The following SIPA1L3 variants were observed in gnomAD, a reference collection of about 807,000 sequenced individuals.
SIPA1L3 encodes signal induced proliferation associated 1 like 3.
SIPA1L3 carries 59 observed loss-of-function variants against 150.1 expected under a neutral mutation model. That is an observed-to-expected ratio of 0.39 (90% CI 0.32 to 0.49). SIPA1L3 has a LOEUF of 0.49. Ranked by LOEUF, SIPA1L3 falls within the 20% of genes least tolerant of loss-of-function variation. The pLI, the probability that SIPA1L3 is intolerant of heterozygous loss-of-function variation, is 0.86. For missense variants in SIPA1L3, 2,211 were observed against 2,489.5 expected, an observed-to-expected ratio of 0.89 and a Z score of 2.38; for synonymous variants, 1,070 against 1,077.6, an observed-to-expected ratio of 0.99 and a Z score of 0.14.
At chr19:38,158,576 G>A (rs1428229937) in intron 13 of SIPA1L3, among the ~76,000 whole-genome samples, 3 of 152,236 alleles carry the variant, frequency 2.0e-5, no homozygotes, top group Non-Finnish European at 4.4e-5. Flanking sequence ...GTTCCCAGGA[G>A]CCCCTGGCTA....
intron 1 of SIPA1L3, among the ~76,000 whole-genome samples, chr19:38,010,757 G>A (rs833922): frequency 0.43 from 65,674 of 151,952 alleles, 14,456 homozygotes; most frequent in African/African-American, 0.5. Context: ...CTGGAGTCAG[G>A]CTGCCTGGAT....
intron 3 of SIPA1L3, among the ~76,000 whole-genome samples, chr19:38,085,767 G>A (rs1446783872): frequency 6.6e-6 from 1 of 152,216 alleles, no homozygotes; most frequent in East Asian, 1.9e-4. Flanking sequence ...GCCCGAGGCG[G>A]GCAGATCACG....
chr19:37,927,569 C>A (rs909914270), intron 1 of SIPA1L3, among the ~76,000 whole-genome samples: 1 of 137,390 alleles, frequency 7.3e-6, no homozygotes, highest in South Asian at 2.4e-4. Flanking sequence ...TGTACGTACC[C>A]AATGTTTAGC....
chr19:38,112,082 C>A (rs529952651), intron 8 of SIPA1L3, among the ~76,000 whole-genome samples: 1 of 146,522 alleles, frequency 6.8e-6, no homozygotes, highest in African/African-American at 2.6e-5. Context: ...ACCATGCGTC[C>A]GCACATGCAC....
intron 15 of SIPA1L3, among the ~76,000 whole-genome samples, chr19:38,181,845 CAAAA>C (rs572648983): frequency 4.8e-5 from 3 of 62,934 alleles, no homozygotes; most frequent in African/African-American, 2.2e-4. Context: ...GACTCTGTCT[CAAAA>C]AAAAAAAAAA....
intron 19 of SIPA1L3, among the ~76,000 whole-genome samples, chr19:38,201,294 A>G (rs1420442426): frequency 6.6e-6 from 1 of 152,254 alleles, no homozygotes; most frequent in Non-Finnish European, 1.5e-5. Context: ...CCCCAGTGCC[A>G]GTCACGTGTC....
Position 38,100,061 on chromosome 19 carries a change from G to A in SIPA1L3, c.1765G>A (p.Val589Ile). Residue 589 changes from valine to isoleucine, a missense_variant, in exon 5 of 22, where the codon GTC (valine) becomes ATC (isoleucine). Physicochemically the swap from Val to Ile is conservative, Grantham distance 29. Around this residue, in one of 5 missense-constraint regions of SIPA1L3, gnomAD observed 625 missense variants for 804.2 expected, o/e 0.78. Coordinates refer to ENST00000222345, the MANE Select transcript of SIPA1L3 (RefSeq NM_015073.3). ...GLPLKDALEY[V>I]IPELNIHCLR... ...GCCCTTGAAGGATGCCCTGGAGTAT[G>A]TCATCCCCGAGCTCAACATCCACTG... 6.2e-7 allele frequency: 1 copy of A among 1,612,704 alleles called. No homozygotes were observed. The highest frequency in any genetic ancestry group is 1.3e-5 in the African/African-American group (1 of 74,952).
chr19:38,085,886 C>T (rs1190092009), intron 3 of SIPA1L3, among the ~76,000 whole-genome samples: 2 of 152,110 alleles, frequency 1.3e-5, no homozygotes, highest in Non-Finnish European at 2.9e-5. Flanking sequence ...ATCCCAGCTA[C>T]TTGGGAGGCT....
chr19:38,062,906 T>C (rs991287205), intron 2 of SIPA1L3, among the ~76,000 whole-genome samples: 8 of 152,136 alleles, frequency 5.3e-5, no homozygotes, highest in Non-Finnish European at 1.2e-4. Context: ...CGGCCTGCTC[T>C]CATTTTTGAC....
In SIPA1L3 at chr19:38,164,097, C is replaced by T. The variant is rs760233829; in HGVS notation, c.3781-382C>T. Among the ~76,000 whole-genome samples the T allele has an allele frequency of 3.3e-5, 5 of 152,118 alleles. No homozygotes were observed. The highest frequency in any genetic ancestry group is 5.9e-5 in the Non-Finnish European group (4 of 68,016). On this transcript the variant is annotated intron_variant, in intron 14 of 21. Coordinates refer to ENST00000222345, the MANE Select transcript of SIPA1L3 (RefSeq NM_015073.3). This position sits in a 1 kb window ranked among gnomAD's most constrained non-coding sequence, Gnocchi z 4.1. ...GGCTGGACATGAGTGAGAGCAAAAG[C>T]GGGGTCAAGGTGAGTCCACGGCTCT... is the stretch of plus-strand genomic sequence containing the variant.
At chr19:38,120,613 A>C (rs1473511495) in intron 9 of SIPA1L3, among the ~76,000 whole-genome samples, 1 of 152,274 alleles carries the variant, frequency 6.6e-6, no homozygotes, top group Non-Finnish European at 1.5e-5. Flanking sequence ...ATAAAATTAC[A>C]TGGCAGGAAT....
At chr19:38,192,371 G>T (rs370375954) in intron 17 of SIPA1L3, 61 bp downstream of exon 17, 6 of 1,479,682 alleles carry the variant, frequency 4.1e-6, no homozygotes, top group African/African-American at 1.4e-5. Flanking sequence ...CCAGATCTGG[G>T]CAGGCAAGGA....
At chr19:38,086,016 A>G (rs933011798) in intron 3 of SIPA1L3, among the ~76,000 whole-genome samples, 2 of 151,926 alleles carry the variant, frequency 1.3e-5, no homozygotes, top group Admixed American at 6.6e-5. Context: ...ACAAAACAAA[A>G]AAAAAACGCT....
At chr19:38,170,059 A>C (rs1972293393) in intron 15 of SIPA1L3, among the ~76,000 whole-genome samples, 1 of 150,526 alleles carries the variant, frequency 6.6e-6, no homozygotes, top group African/African-American at 2.5e-5. Flanking sequence ...GCCATGATGG[A>C]GGGGTACAGG....
chr19:38,043,777 G>T (rs1431494004), intron 2 of SIPA1L3, among the ~76,000 whole-genome samples: 1 of 152,208 alleles, frequency 6.6e-6, no homozygotes, highest in Non-Finnish European at 1.5e-5. Flanking sequence ...TGCTTCAGTG[G>T]CTACGATAAA....
At chr19:38,085,012 C>T (rs1475143779) in intron 3 of SIPA1L3, among the ~76,000 whole-genome samples, 2 of 152,026 alleles carry the variant, frequency 1.3e-5, no homozygotes. Flanking sequence ...TTAAGTCATC[C>T]CACAGGACAC....
At chr19:38,044,646 C>T (rs1327185946) in intron 2 of SIPA1L3, among the ~76,000 whole-genome samples, 1 of 152,170 alleles carries the variant, frequency 6.6e-6, no homozygotes, top group Non-Finnish European at 1.5e-5. Context: ...TCAGGCCACA[C>T]CTGGCACACA....
rs763506883 is a variant in SIPA1L3 at position 38,082,339 on chromosome 19, G to T, written c.774G>T (p.Lys258Asn). ...TCATGGGGGGCGGCGGCGGAGCCAA[G>T]GGGGACTCCCACAACGGGCAGCCCG... ...PHLMGGGGGA[K>N]GDSHNGQPAK... The change falls in exon 3 of 22, where the codon AAG (lysine) becomes AAT (asparagine). Residue 258 changes from lysine to asparagine, a missense_variant. By Grantham distance (94) the Lys-to-Asn change is moderately conservative. This residue lies in a region of SIPA1L3 where 587 missense variants were observed against 534.5 expected (regional missense o/e 1.10). Coordinates refer to ENST00000222345, the MANE Select transcript of SIPA1L3 (RefSeq NM_015073.3). The T allele has an allele frequency of 2.5e-6, 4 of 1,598,660 alleles. No individual in the cohort carries two copies.
At chr19:38,096,529 G>A (rs1378493221) in intron 4 of SIPA1L3, among the ~76,000 whole-genome samples, 2 of 152,124 alleles carry the variant, frequency 1.3e-5, no homozygotes, top group South Asian at 2.1e-4. Context: ...GATTAGAGGT[G>A]TGAGCCACCG....
Sources: allele counts gnomAD v4.1 joint callset (sites outside exome capture counted in the v4.1 genomes callset), GRCh38; gene constraint gnomAD v4.1.1; regional missense constraint gnomAD v4.1.1; non-coding constraint Gnocchi (gnomAD v3.1); transcripts MANE v1.5; gene names NCBI Gene and HGNC (gene_info 2026-07-23, HGNC 2026-07-21).